FOXO3: variants seen among roughly 807,000 people sequenced by gnomAD.
FOXO3 encodes the protein forkhead box protein O3.
FOXO3 carries 4 observed loss-of-function variants against 41.9 expected under a neutral mutation model. The ratio of observed to expected loss-of-function variants is 0.10; its 90% confidence interval spans 0.05 to 0.22. The LOEUF (loss-of-function observed/expected upper bound fraction) is 0.22, where lower values mean the gene tolerates loss of function less well. Ranked by LOEUF, FOXO3 falls within the 10% of genes least tolerant of loss-of-function variation. The probability of loss-of-function intolerance (pLI) is 1.00; values close to 1 mark genes in which losing one functional copy is unlikely to be tolerated. For synonymous variants in FOXO3, 318 were observed against 389.3 expected (o/e 0.82, Z 2.16); for missense variants, 534 against 906.8 (o/e 0.59, Z 5.28).
intron 1 of FOXO3, among the ~76,000 whole-genome samples, chr6:108,631,539 G>T (rs1416754090): frequency 4.6e-5 from 7 of 152,082 alleles, no homozygotes; most frequent in African/African-American, 1.7e-4. Flanking sequence ...GTTGGTCCAG[G>T]TTTTTTCTGC....
chr6:108,584,564 G>A (rs184480399), intron 1 of FOXO3, among the ~76,000 whole-genome samples: 1 of 152,296 alleles, frequency 6.6e-6, no homozygotes. Flanking sequence ...TTTTGTAAAG[G>A]AGATAACTTG....
At chr6:108,624,324 A>C (rs891805972) in intron 1 of FOXO3, among the ~76,000 whole-genome samples, 2 of 152,184 alleles carry the variant, frequency 1.3e-5, no homozygotes, top group Non-Finnish European at 2.9e-5. Context: ...AAAAAAAAAA[A>C]ACCTCTCAGT....
At chr6:108,599,298 T>G (rs1776979275) in intron 1 of FOXO3, among the ~76,000 whole-genome samples, 1 of 152,254 alleles carries the variant, frequency 6.6e-6, no homozygotes, top group Non-Finnish European at 1.5e-5. Context: ...ACTTTGTTGC[T>G]TATCTAAGAC....
chr6:108,560,413 G>A (rs1775738224), upstream of FOXO3, among the ~76,000 whole-genome samples: 1 of 152,196 alleles, frequency 6.6e-6, no homozygotes, highest in South Asian at 2.1e-4. Context: ...CACCCGCTGG[G>A]CTGCTGCTCC....
At position 108,561,560 on chromosome 6, in the gene FOXO3, G is replaced by T; in HGVS notation, c.352G>T (p.Gly118Trp). 7.0e-7 allele frequency: 1 copy of T among 1,434,262 alleles called. No homozygotes were observed. The allele number at this position is 1,434,262 out of a possible 1,614,324, so 88.8% of individuals were successfully genotyped here. A position where few individuals can be genotyped will look rare whatever the true frequency, so the allele number is the denominator to read the frequency against. The change falls in exon 1 of 3, where the codon GGG becomes TGG. Residue 118 changes from glycine (G) to tryptophan (W), a missense_variant. Coordinates refer to ENST00000406360, the MANE Select transcript of FOXO3 (RefSeq NM_001455.4). ...GTCTGGGCCAGCCACCGCGGCGGGC[G>T]GGCTGAGCGGGGGTACACAGGCGCT... Reference protein sequence around the residue: ...PGSGPATAAGGLSGGTQALLQ... With the variant: ...PGSGPATAAGWLSGGTQALLQ...
At chr6:108,585,103 G>A (rs1445347711) in intron 1 of FOXO3, among the ~76,000 whole-genome samples, 4 of 128,912 alleles carry the variant, frequency 3.1e-5, no homozygotes, top group East Asian at 2.7e-4. Flanking sequence ...CTGCAATGGC[G>A]CAATCTCGGC....
At chr6:108,669,570 A>C (rs1252625889) in intron 2 of FOXO3, among the ~76,000 whole-genome samples, 1 of 152,172 alleles carries the variant, frequency 6.6e-6, no homozygotes, top group Non-Finnish European at 1.5e-5. Flanking sequence ...CTGCATCTTC[A>C]GGGATCTTTA....
Position 108,611,084 on chromosome 6 carries a change from ATAAATG to A in FOXO3, c.621+49258_621+49263del, listed in dbSNP as rs560322934. ...CTTTTTGCCTTTTCTAGAATTTCGT[ATAAATG>A]TAGAGTCATTACTGTATGTAGCCCT... On this transcript the variant is annotated intron_variant, in intron 1 of 2. Transcript: ENST00000406360. 4.8e-5 allele frequency among the ~76,000 whole-genome samples: 7 copies of A among 144,924 alleles called. No homozygotes were observed. In the South Asian group the frequency reaches 1.7e-3, roughly 35 times the overall value.
intron 1 of FOXO3, among the ~76,000 whole-genome samples, chr6:108,627,704 A>T (rs1426307388): frequency 6.6e-6 from 1 of 152,136 alleles, no homozygotes; most frequent in Non-Finnish European, 1.5e-5. Flanking sequence ...TGAGCTAAAA[A>T]GAAAGAAATA....
intron 1 of FOXO3, among the ~76,000 whole-genome samples, chr6:108,642,092 T>TTG (rs1056056574): frequency 6.7e-6 from 1 of 149,668 alleles, no homozygotes; most frequent in Non-Finnish European, 1.5e-5. Flanking sequence ...TTTTGGTGTT[T>TTG]TTTTTTTTTT....
intron 1 of FOXO3, among the ~76,000 whole-genome samples, chr6:108,630,931 ATCT>A (rs1422724309): frequency 6.6e-6 from 1 of 152,146 alleles, no homozygotes; most frequent in Non-Finnish European, 1.5e-5. Context: ...GCAAAAAATA[ATCT>A]TGGGCTTTGG....
At chr6:108,673,467 A>C (rs1030614655) in intron 2 of FOXO3, among the ~76,000 whole-genome samples, 26 of 152,196 alleles carry the variant, frequency 1.7e-4, no homozygotes, top group Non-Finnish European at 3.5e-4. Flanking sequence ...TTACATGGCC[A>C]CCATCTGTGT....
chr6:108,560,329 G>A (rs955937024), upstream of FOXO3, among the ~76,000 whole-genome samples: 1 of 152,200 alleles, frequency 6.6e-6, no homozygotes, highest in Admixed American at 6.5e-5. Context: ...GGGCGGAGGG[G>A]ACGACGTCCG....
Position 108,574,609 on chromosome 6 carries a change from A to C in FOXO3, c.621+12780A>C, listed in dbSNP as rs748714640. On this transcript the variant is annotated intron_variant, in intron 1 of 2. Coordinates refer to ENST00000406360, the MANE Select transcript of FOXO3 (RefSeq NM_001455.4). ...TTGCAGTGCAGTTACTGACGGGTTT[A>C]AGAGCAGGCTGCCAAGATAGAGACA... 2.1e-4 allele frequency among the ~76,000 whole-genome samples: 32 copies of C among 152,208 alleles called. 1 individual carries two copies. Among genetic ancestry groups the C allele is most frequent in the Non-Finnish European group, 3.5e-4 (24 of 68,030 alleles).
rs1778935552 is a variant in FOXO3 at position 108,663,576 on chromosome 6, G to A, written c.743G>A (p.Arg248Gln). ...GGGGGGAAGAGCGGAAAAGCCCCCCGGCGGCGGGCTGTCTCCATGGACAAT... is the reference window on the plus strand; with the variant it reads ...GGGGGGAAGAGCGGAAAAGCCCCCCAGCGGCGGGCTGTCTCCATGGACAAT... ...PDGGKSGKAP[R>Q]RRAVSMDNSN... Residue 248 changes from arginine to glutamine, a missense_variant, in exon 2 of 3, where the codon CGG (arginine) becomes CAG (glutamine). Arg to Gln is a conservative substitution (Grantham distance 43). Transcript: ENST00000406360. 2.5e-6 allele frequency: 4 copies of A among 1,613,702 alleles called. No homozygotes were observed. Among genetic ancestry groups the A allele is most frequent in the Non-Finnish European group, 3.4e-6 (4 of 1,179,722 alleles).
At chr6:108,586,812 G>C (rs1289683325) in intron 1 of FOXO3, among the ~76,000 whole-genome samples, 1 of 152,060 alleles carries the variant, frequency 6.6e-6, no homozygotes, top group Admixed American at 6.6e-5. Context: ...CGACCCTCCA[G>C]TGTGATTCTG....
At chr6:108,624,835 G>C (rs1186874741) in intron 1 of FOXO3, among the ~76,000 whole-genome samples, 1 of 152,074 alleles carries the variant, frequency 6.6e-6, no homozygotes, top group African/African-American at 2.4e-5. Context: ...TGTTGCCCAG[G>C]TTGGAGTGTA....
At chr6:108,646,182 C>T (rs890349743) in intron 1 of FOXO3, among the ~76,000 whole-genome samples, 1 of 152,202 alleles carries the variant, frequency 6.6e-6, no homozygotes, top group Non-Finnish European at 1.5e-5. Flanking sequence ...ACTCATCTCT[C>T]ACCTGAGTAG....
At chr6:108,565,019 G>T (rs1775916466) in intron 1 of FOXO3, among the ~76,000 whole-genome samples, 1 of 152,106 alleles carries the variant, frequency 6.6e-6, no homozygotes, top group Admixed American at 6.5e-5. Context: ...AAGGTCATTT[G>T]CTAGGTAATG....
Sources: gnomAD v4.1 joint callset for allele counts (sites outside exome capture counted in the v4.1 genomes callset) on GRCh38, gnomAD v4.1.1 for gene constraint, MANE v1.5 for transcripts, NCBI Gene and HGNC (gene_info 2026-07-23, HGNC 2026-07-21) for gene names.